ZNF891: variants seen among roughly 807,000 people sequenced by gnomAD.
ZNF891 encodes the protein zinc finger protein 891, also known as hCG1646157.
For synonymous variants in ZNF891, 199 were observed against 209.0 expected (o/e 0.95, Z 0.41); for missense variants, 589 against 632.7 (o/e 0.93, Z 0.74).
intron 1 of ZNF891, chr12:133,125,512 TCTC>T (rs1255856369): frequency 1.2e-5 from 2 of 164,686 alleles, no homozygotes; most frequent in African/African-American, 4.8e-5. Flanking sequence ...AACTCCTGTC[TCTC>T]CTATGGCTAA....
At chr12:133,124,331 A>G (rs1462351156) in intron 1 of ZNF891, among the ~76,000 whole-genome samples, 1 of 152,100 alleles carries the variant, frequency 6.6e-6, no homozygotes, top group Non-Finnish European at 1.5e-5. Flanking sequence ...TGGATTAAAG[A>G]TATGCATATG....
At position 133,113,063 on chromosome 12, in the gene ZNF891, A is replaced by AAAAT. The variant is rs1566332474; in HGVS notation, c.*7220_*7221insATTT. On this transcript the variant is annotated 3_prime_UTR_variant, in exon 2 of 2. Coordinates refer to ENST00000537226, the MANE Select transcript of ZNF891 (RefSeq NM_001277291.2). ...GACAGAGCAAGACTCTGTCTCAAAA[A>AAAAT]ATATATATATATATATTTATATTTA... 6.9e-6 allele frequency: 1 copy of AAAAT among 145,880 alleles called. No homozygotes were observed. The highest frequency in any genetic ancestry group is 2.6e-5 in the African/African-American group (1 of 39,178). The allele number at this position is 145,880 out of a possible 1,614,324, so 9.0% of individuals were successfully genotyped here.
In ZNF891 at chr12:133,121,887, GC is replaced by G; in HGVS notation, c.31del (p.Ala11LeufsTer2). The G allele has an allele frequency of 2.0e-6, 3 of 1,536,012 alleles. No individual in the cohort carries two copies. Among genetic ancestry groups the G allele is most frequent in the Non-Finnish European group, 2.6e-6 (3 of 1,146,840 alleles). Reference sequence around the variant, plus strand: ...ACAGGCAGAGTCCTGTTTAGTTAAAGCCCATGGGGAGGATAGGTCCATAACT... The same window carrying G: ...ACAGGCAGAGTCCTGTTTAGTTAAAGCCATGGGGAGGATAGGTCCATAACT... MAVMDLSSPW[A>X]LTKQDSACFH... is the part of the protein sequence containing the mutation. On this transcript the variant is annotated frameshift_variant, in exon 2 of 2. Coordinates refer to ENST00000537226, the MANE Select transcript of ZNF891 (RefSeq NM_001277291.2). LOFTEE classifies it low-confidence loss of function (END_TRUNC).
At position 133,120,670 on chromosome 12, in the gene ZNF891, A is replaced by G; in HGVS notation, c.1249T>C (p.Ser417Pro). 6.4e-7 allele frequency: 1 copy of G among 1,558,488 alleles called. No homozygotes were observed. Among genetic ancestry groups the G allele is most frequent in the Non-Finnish European group, 8.7e-7 (1 of 1,152,152 alleles). ...ATTCTCTTGTGCACTATAAGGTAAGAGCTTGTGCCAAAGGATTTTCCACAC... is the reference window on the plus strand; with the variant it reads ...ATTCTCTTGTGCACTATAAGGTAAGGGCTTGTGCCAAAGGATTTTCCACAC... Reference protein sequence around the residue: ...NQCGKSFGTSSYLIVHKRIHT... With the variant: ...NQCGKSFGTSPYLIVHKRIHT... Residue 417 changes from serine to proline, a missense_variant, in exon 2 of 2, where the codon TCT (serine) becomes CCT (proline). Ser to Pro is a moderately conservative substitution (Grantham distance 74). Coordinates refer to ENST00000537226, the MANE Select transcript of ZNF891 (RefSeq NM_001277291.2).
At chr12:133,122,857 AC>A (rs1359151781) in intron 1 of ZNF891, among the ~76,000 whole-genome samples, 1 of 152,212 alleles carries the variant, frequency 6.6e-6, no homozygotes, top group African/African-American at 2.4e-5. Context: ...CAAAGGAAGA[AC>A]CATGAACTGC....
rs1246127002 is a variant in ZNF891 at position 133,113,115 on chromosome 12, TA to T, written c.*7168del. On this transcript the variant is annotated 3_prime_UTR_variant, in exon 2 of 2. Transcript: ENST00000537226. ...TTATTAAAAATATATTTATAAAATATAAAAAAATATATTTTTCAATTTTTTT... is the reference window on the plus strand; with the variant it reads ...TTATTAAAAATATATTTATAAAATATAAAAAATATATTTTTCAATTTTTTT... 3 of 147,928 alleles carry T rather than the reference TA, an allele frequency of 2.0e-5. No homozygotes were observed. The highest frequency in any genetic ancestry group is 2.1e-4 in the South Asian group (1 of 4,780). 9.2% of individuals were successfully genotyped at this position (147,928 alleles called of 1,614,324 possible).
intron 1 of ZNF891, chr12:133,126,014 G>T: frequency 3.1e-6 from 1 of 326,882 alleles, no homozygotes; most frequent in South Asian, 2.8e-5. Flanking sequence ...AATAAAATAG[G>T]ATGATTGGTA....
At chr12:133,123,819 G>T (rs1051507785) in intron 1 of ZNF891, among the ~76,000 whole-genome samples, 2 of 151,470 alleles carry the variant, frequency 1.3e-5, no homozygotes, top group African/African-American at 2.4e-5. Context: ...AAGATATTAA[G>T]AATTGTATTG....
chr12:133,120,285 T>C lies in ZNF891; in HGVS notation c.1634A>G (p.Ter545=), dbSNP rs1593825087. The change falls in exon 2 of 2, where the codon TAA becomes TGA. Residue 545 remains the stop codon, a stop_retained_variant. Transcript: ENST00000537226. ...ACAGCAATTCCACATTCATAACACT[T>C]ACAGGGTTTCTCTCTCAGTATGAAT... ...KRIHTERETL[*] 1 of 1,528,524 alleles carries C rather than the reference T, an allele frequency of 6.5e-7. No individual in the cohort carries two copies. Among genetic ancestry groups the C allele is most frequent in the Non-Finnish European group, 8.8e-7 (1 of 1,140,012 alleles). The allele number at this position is 1,528,524 out of a possible 1,614,324, so 94.7% of individuals were successfully genotyped here. A position where few individuals can be genotyped will look rare whatever the true frequency, so the allele number is the denominator to read the frequency against.
chr12:133,119,900 G>T lies in ZNF891; in HGVS notation c.*384C>A, dbSNP rs146660725. On this transcript the variant is annotated 3_prime_UTR_variant, in exon 2 of 2. Transcript: ENST00000537226. Reference sequence around the variant, plus strand: ...CAGAGACCTTATTGTTCTTGGCTAAGATGGAATTCATTAGTAAGGAAAGAT... The same window carrying T: ...CAGAGACCTTATTGTTCTTGGCTAATATGGAATTCATTAGTAAGGAAAGAT... The T allele has an allele frequency of 2.4e-5, 4 of 169,552 alleles. No individual in the cohort carries two copies. The highest frequency in any genetic ancestry group is 1.4e-4 in the South Asian group (1 of 6,944). 10.5% of individuals were successfully genotyped at this position (169,552 alleles called of 1,614,324 possible).
Sources: gnomAD v4.1 joint callset for allele counts (sites outside exome capture counted in the v4.1 genomes callset) on GRCh38, gnomAD v4.1.1 for gene constraint, MANE v1.5 for transcripts, NCBI Gene and HGNC (gene_info 2026-07-23, HGNC 2026-07-21) for gene names.